The following PPP2R2B variants were observed in gnomAD, a reference collection of about 807,000 sequenced individuals.
PPP2R2B encodes protein phosphatase 2 regulatory subunit Bbeta.
In PPP2R2B, 5 loss-of-function variants were observed where a neutral mutation model predicts 46.0. The observed-to-expected ratio is 0.11, with a 90% confidence interval of 0.06 to 0.23. The LOEUF (loss-of-function observed/expected upper bound fraction) is 0.23. Ranked by LOEUF, PPP2R2B falls within the 10% of genes least tolerant of loss-of-function variation. The pLI is 1.00. For synonymous variants in PPP2R2B, 215 were observed against 206.7 expected, an observed-to-expected ratio of 1.04 and a Z score of -0.34; for missense variants, 367 against 575.0, an observed-to-expected ratio of 0.64 and a Z score of 3.70.
intron 2 of PPP2R2B, among the ~76,000 whole-genome samples, chr5:146,806,632 C>G (rs2151312329): frequency 6.6e-6 from 1 of 152,326 alleles, no homozygotes; most frequent in East Asian, 1.9e-4. Context: ...AATGAAGCAA[C>G]AGAGGTGCTG....
chr5:146,727,670 G>T (rs11956043), intron 2 of PPP2R2B, among the ~76,000 whole-genome samples: 1 of 151,850 alleles, frequency 6.6e-6, no homozygotes, highest in South Asian at 2.1e-4. Flanking sequence ...AAGTCAAAAA[G>T]AAATTTTAAA....
At chr5:146,812,817 A>G (rs866534968) in intron 2 of PPP2R2B, among the ~76,000 whole-genome samples, 34 of 75,032 alleles carry the variant, frequency 4.5e-4, no homozygotes, top group Non-Finnish European at 5.8e-4. Context: ...ATATATATAT[A>G]TATATATATA....
At chr5:146,859,483 T>C (rs1184340960) in intron 2 of PPP2R2B, among the ~76,000 whole-genome samples, 1 of 152,200 alleles carries the variant, frequency 6.6e-6, no homozygotes, top group Non-Finnish European at 1.5e-5. Flanking sequence ...ATCAGTTGTT[T>C]TGATGGTTAA....
rs140411538 is a variant in PPP2R2B at position 146,900,252 on chromosome 5, A to T, written c.79+155413T>A. 3.0e-3 allele frequency among the ~76,000 whole-genome samples: 458 copies of T among 152,338 alleles called. 6 individuals are homozygous for T. The highest frequency in any genetic ancestry group is 0.023 in the Admixed American group (349 of 15,310). On this transcript the variant is annotated intron_variant, in intron 1 of 8. Transcript: ENST00000336640. ...AGTGTCAAAAATAAGTGCCACAGTC[A>T]GAAAACATACCTGAGCCAATCTGCT...
chr5:146,699,660 G>GTTT (rs1779417647), intron 3 of PPP2R2B, among the ~76,000 whole-genome samples: 1 of 101,758 alleles, frequency 9.8e-6, no homozygotes, highest in African/African-American at 4.0e-5. Flanking sequence ...GAACTTAATT[G>GTTT]GTTTTTTTTT....
chr5:146,789,284 A>C (rs570330736), intron 2 of PPP2R2B, among the ~76,000 whole-genome samples: 1 of 152,308 alleles, frequency 6.6e-6, no homozygotes, highest in South Asian at 2.1e-4. Flanking sequence ...GGAAAAGAAA[A>C]AAGATGTTGG....
At chr5:147,011,447 G>T (rs1043496649) in intron 1 of PPP2R2B, among the ~76,000 whole-genome samples, 1 of 151,894 alleles carries the variant, frequency 6.6e-6, no homozygotes, top group Non-Finnish European at 1.5e-5. Flanking sequence ...TATATAACTT[G>T]CTGTCTATGC....
intron 2 of PPP2R2B, among the ~76,000 whole-genome samples, chr5:146,708,498 G>A (rs1001128037): frequency 6.6e-6 from 1 of 151,572 alleles, no homozygotes; most frequent in African/African-American, 2.4e-5. Context: ...ATAGAGATAT[G>A]TATCCATAAC....
chr5:146,999,415 A>T (rs186146185), intron 1 of PPP2R2B, among the ~76,000 whole-genome samples: 1 of 152,304 alleles, frequency 6.6e-6, no homozygotes, highest in Admixed American at 6.5e-5. Flanking sequence ...GATGCATATT[A>T]CAATCCACTT....
In PPP2R2B at chr5:146,929,992, G is replaced by A. The variant is rs567965269; in HGVS notation, c.79+125673C>T. 3.3e-5 allele frequency among the ~76,000 whole-genome samples: 5 copies of A among 152,264 alleles called. No individual in the cohort carries two copies. The East Asian group carries it at 9.6e-4, about 29-fold the overall frequency. ...GCCAGTTATTATCCTTGATTCTGGG[G>A]ATACAGATTAGAAATCGGTCCCTGG... On this transcript the variant is annotated intron_variant, in intron 1 of 8. Coordinates refer to the PPP2R2B transcript ENST00000336640.
intron 1 of PPP2R2B, among the ~76,000 whole-genome samples, chr5:146,957,160 T>C (rs1055339597): frequency 9.2e-5 from 14 of 152,224 alleles, no homozygotes; most frequent in African/African-American, 2.7e-4. Context: ...AATATGTGTG[T>C]TGCCATCTGG....
chr5:146,955,007 G>A (rs1751820491), intron 1 of PPP2R2B, among the ~76,000 whole-genome samples: 1 of 152,042 alleles, frequency 6.6e-6, no homozygotes, highest in Non-Finnish European at 1.5e-5. Flanking sequence ...CTGCTCGATG[G>A]TCCTCCCAAG....
chr5:146,670,557 G>T lies in PPP2R2B; in HGVS notation c.448-19833C>A, dbSNP rs190275814. Among the ~76,000 whole-genome samples, 38 of 151,760 alleles carry T rather than the reference G, an allele frequency of 2.5e-4. 1 individual carries two copies. The highest frequency in any genetic ancestry group is 4.4e-4 in the Non-Finnish European group (30 of 67,954). ...GTGACCCAGGTTGCAGTGCAGTGGC[G>T]CAATGTCGGCTCACTGCAACCTCCG... On this transcript the variant is annotated intron_variant, in intron 5 of 9. Transcript: ENST00000394411.
intron 2 of PPP2R2B, among the ~76,000 whole-genome samples, chr5:146,723,045 C>T (rs1751625270): frequency 6.6e-6 from 1 of 152,142 alleles, no homozygotes; most frequent in African/African-American, 2.4e-5. Context: ...CCTTGACTTT[C>T]CTATTCTGGG....
chr5:147,049,120 G>T (rs549663437), intron 1 of PPP2R2B, among the ~76,000 whole-genome samples: 2 of 151,978 alleles, frequency 1.3e-5, no homozygotes, highest in Admixed American at 6.6e-5. Context: ...GTGTGTGTGT[G>T]TGTGAGATAT....
intron 5 of PPP2R2B, among the ~76,000 whole-genome samples, chr5:146,668,304 G>A (rs1777134624): frequency 6.6e-6 from 1 of 152,156 alleles, no homozygotes; most frequent in African/African-American, 2.4e-5. Flanking sequence ...TCTTGTATAA[G>A]GAGGGCAAAG....
intron 1 of PPP2R2B, among the ~76,000 whole-genome samples, chr5:146,982,196 A>G (rs183002717): frequency 6.6e-6 from 1 of 152,310 alleles, no homozygotes; most frequent in East Asian, 1.9e-4. Context: ...TTTCTAATCT[A>G]TACATTTAGT....
chr5:146,617,705 T>G (rs922433354), intron 7 of PPP2R2B, among the ~76,000 whole-genome samples: 6 of 151,870 alleles, frequency 4.0e-5, no homozygotes, highest in Admixed American at 3.3e-4. Flanking sequence ...TCTCTTTTTT[T>G]TTTTTTTGAA....
intron 2 of PPP2R2B, among the ~76,000 whole-genome samples, chr5:146,847,269 CTTCAA>C (rs1760066231): frequency 6.6e-6 from 1 of 152,294 alleles, no homozygotes; most frequent in South Asian, 2.1e-4. Flanking sequence ...AAGTTCAAAT[CTTCAA>C]TTCAGCCTTT....
Sources: gnomAD v4.1 joint callset for allele counts (sites outside exome capture counted in the v4.1 genomes callset) on GRCh38, gnomAD v4.1.1 for gene constraint, MANE v1.5 for transcripts, NCBI Gene and HGNC (gene_info 2026-07-23, HGNC 2026-07-21) for gene names.